The following PTPRR variants were observed in gnomAD, a reference collection of about 807,000 sequenced individuals.
PTPRR encodes receptor-type tyrosine-protein phosphatase R.
In PTPRR, 38 loss-of-function variants were observed where a neutral mutation model predicts 77.2. The ratio of observed to expected loss-of-function variants is 0.49; its 90% confidence interval spans 0.38 to 0.65. PTPRR has a LOEUF of 0.65. PTPRR is among the 30% of genes least tolerant of loss of function. PTPRR has a pLI of 0.00. For synonymous variants in PTPRR, 299 were observed against 283.1 expected, an observed-to-expected ratio of 1.06 and a Z score of -0.57; for missense variants, 744 against 799.2, an observed-to-expected ratio of 0.93 and a Z score of 0.83.
In PTPRR at chr12:70,761,611, T is replaced by C; in HGVS notation, c.487A>G (p.Ile163Val). The C allele has an allele frequency of 6.3e-7, 1 of 1,583,352 alleles. No homozygotes were observed. Among genetic ancestry groups the C allele is most frequent in the East Asian group, 2.3e-5 (1 of 44,366 alleles). Residue 163 changes from isoleucine (I) to valine (V), a missense_variant, in exon 4 of 14, where the codon ATT (isoleucine) becomes GTT (valine). Ile to Val is a conservative substitution (Grantham distance 29, BLOSUM62 3). Around this residue, in one of 3 missense-constraint regions of PTPRR, gnomAD observed 570 missense variants for 573.2 expected, o/e 0.99. Transcript: ENST00000283228. ...INRLIGKKNS[I>V]ELFVSPINRK... is the part of the protein sequence containing the mutation. ...TTTATGGGAGACACAAACAGTTCAA[T>C]ACTGTTCTTCTTTCCCTAATAAAAG... is the stretch of plus-strand genomic sequence containing the variant.
intron 3 of PTPRR, among the ~76,000 whole-genome samples, chr12:70,763,102 T>TA (rs1381630062): frequency 2.0e-5 from 3 of 151,600 alleles, no homozygotes; most frequent in African/African-American, 2.4e-5. Flanking sequence ...TGTATATATA[T>TA]AAAAAATCTA....
In PTPRR at chr12:70,824,687, C is replaced by T. The variant is rs1289514906; in HGVS notation, c.358-59909G>A. 5.9e-5 allele frequency among the ~76,000 whole-genome samples: 9 copies of T among 152,108 alleles called. No homozygotes were observed. The South Asian group carries it at 1.9e-3, about 31-fold the overall frequency. On this transcript the variant is annotated intron_variant, in intron 2 of 13. Coordinates refer to ENST00000283228, the MANE Select transcript of PTPRR (RefSeq NM_002849.4). ...GTCAGCTGCTGGTTCGTGTTGCTTT[C>T]CTTATCCTTCCAGTGCTAGAGAGCA...
At chr12:70,878,930 G>T (rs930663290) in intron 2 of PTPRR, among the ~76,000 whole-genome samples, 1 of 152,108 alleles carries the variant, frequency 6.6e-6, no homozygotes, top group Admixed American at 6.6e-5. Flanking sequence ...CCATAAAAAA[G>T]GATGAGTTCA....
chr12:70,724,965 TA>T (rs1419090381), intron 6 of PTPRR, among the ~76,000 whole-genome samples: 1 of 152,166 alleles, frequency 6.6e-6, no homozygotes, highest in Non-Finnish European at 1.5e-5. Flanking sequence ...CATTTAAAAT[TA>T]AAAATATTAA....
intron 2 of PTPRR, among the ~76,000 whole-genome samples, chr12:70,833,093 A>T (rs1214054361): frequency 6.6e-6 from 1 of 152,202 alleles, no homozygotes; most frequent in Non-Finnish European, 1.5e-5. Flanking sequence ...ACCTCCCACC[A>T]GACCTCACCT....
At chr12:70,898,756 C>T (rs976898445) in intron 1 of PTPRR, among the ~76,000 whole-genome samples, 7 of 150,932 alleles carry the variant, frequency 4.6e-5, no homozygotes, top group African/African-American at 1.7e-4. Flanking sequence ...GAAATCATTA[C>T]ATTGAAAATA....
chr12:70,886,004 C>T (rs1893234087), intron 2 of PTPRR, among the ~76,000 whole-genome samples: 1 of 152,182 alleles, frequency 6.6e-6, no homozygotes, highest in African/African-American at 2.4e-5. Context: ...AACCAGCTCT[C>T]TTAAGACTTG....
At chr12:70,689,482 TG>T (rs1225285350) in intron 8 of PTPRR, among the ~76,000 whole-genome samples, 1 of 152,216 alleles carries the variant, frequency 6.6e-6, no homozygotes, top group Non-Finnish European at 1.5e-5. Context: ...GACTGCTTTT[TG>T]TTACCTTATC....
intron 1 of PTPRR, among the ~76,000 whole-genome samples, chr12:70,902,007 C>T (rs1428298258): frequency 6.6e-6 from 1 of 151,704 alleles, no homozygotes; most frequent in Non-Finnish European, 1.5e-5. Context: ...GGGCTAAAGA[C>T]ATGAATAGAC....
chr12:70,660,654 A>G (rs921841603), intron 12 of PTPRR, among the ~76,000 whole-genome samples: 1 of 152,226 alleles, frequency 6.6e-6, no homozygotes, highest in African/African-American at 2.4e-5. Flanking sequence ...TAAGTTTCAA[A>G]GCAGATAACT....
At chr12:70,735,049 T>C (rs146444063) in intron 6 of PTPRR, among the ~76,000 whole-genome samples, 1 of 152,258 alleles carries the variant, frequency 6.6e-6, no homozygotes, top group East Asian at 1.9e-4. Flanking sequence ...AAAAACCCTA[T>C]GAAAATTTTG....
chr12:70,768,385 A>G (rs1423592065), intron 2 of PTPRR, among the ~76,000 whole-genome samples: 2 of 152,272 alleles, frequency 1.3e-5, no homozygotes, highest in African/African-American at 4.8e-5. Context: ...AAACACCTCT[A>G]CGCAAATAAA....
intron 2 of PTPRR, among the ~76,000 whole-genome samples, chr12:70,794,019 C>T (rs1385501024): frequency 1.3e-5 from 2 of 151,744 alleles, no homozygotes; most frequent in African/African-American, 4.8e-5. Flanking sequence ...CCTCATATAC[C>T]ACAAGCTAAC....
intron 1 of PTPRR, among the ~76,000 whole-genome samples, chr12:70,901,595 T>C (rs1431236290): frequency 2.6e-5 from 4 of 151,760 alleles, no homozygotes; most frequent in Admixed American, 6.6e-5. Flanking sequence ...TCTCACTTTA[T>C]ACAAAAATCA....
At chr12:70,916,640 C>T (rs1893779712) in intron 1 of PTPRR, among the ~76,000 whole-genome samples, 1 of 151,860 alleles carries the variant, frequency 6.6e-6, no homozygotes, top group African/African-American at 2.4e-5. Context: ...AAAACAAATT[C>T]TGGAGTTCTA....
intron 2 of PTPRR, among the ~76,000 whole-genome samples, chr12:70,797,411 C>T (rs1196925335): frequency 1.3e-5 from 2 of 152,202 alleles, no homozygotes; most frequent in East Asian, 3.9e-4. Context: ...GTTACTCCTA[C>T]AAGCTTATAA....
chr12:70,684,177 C>G lies in PTPRR; in HGVS notation c.1447G>C (p.Glu483Gln). Reference protein sequence around the residue: ...VDDFWQMVWQEDSPVIVMITK... With the variant: ...VDDFWQMVWQQDSPVIVMITK... Reference sequence around the variant, plus strand: ...ATCATAACAATCACAGGGCTGTCTTCCTGCCAAACCATCTGCCAGAAATCA... The same window carrying G: ...ATCATAACAATCACAGGGCTGTCTTGCTGCCAAACCATCTGCCAGAAATCA... The change falls in exon 10 of 14, where the codon GAA (glutamate) becomes CAA (glutamine). Residue 483 changes from glutamate to glutamine, a missense_variant. Physicochemically the swap from Glu to Gln is conservative, Grantham distance 29. Around this residue, in one of 3 missense-constraint regions of PTPRR, gnomAD observed 170 missense variants for 209.8 expected, o/e 0.81. Coordinates refer to ENST00000283228, the MANE Select transcript of PTPRR (RefSeq NM_002849.4). 1 of 1,614,026 alleles carries G rather than the reference C, an allele frequency of 6.2e-7. No homozygotes were observed. The highest frequency in any genetic ancestry group is 8.5e-7 in the Non-Finnish European group (1 of 1,179,960).
At chr12:70,853,512 C>A (rs1355512808) in intron 2 of PTPRR, among the ~76,000 whole-genome samples, 1 of 152,230 alleles carries the variant, frequency 6.6e-6, no homozygotes, top group African/African-American at 2.4e-5. Flanking sequence ...TTGGCCCTTG[C>A]CCAACCATAT....
At chr12:70,681,141 C>G (rs947715470) in intron 10 of PTPRR, among the ~76,000 whole-genome samples, 1 of 152,124 alleles carries the variant, frequency 6.6e-6, no homozygotes, top group African/African-American at 2.4e-5. Flanking sequence ...GGGTAGGGAG[C>G]TGTAGCAACT....
Sources: allele counts gnomAD v4.1 joint callset (sites outside exome capture counted in the v4.1 genomes callset), GRCh38; gene constraint gnomAD v4.1.1; regional missense constraint gnomAD v4.1.1; transcripts MANE v1.5; gene names NCBI Gene and HGNC (gene_info 2026-07-23, HGNC 2026-07-21).